The following NLRC5 variants were observed in gnomAD, a reference collection of about 807,000 sequenced individuals.
NLRC5 encodes the protein protein NLRC5.
Under a neutral mutation model 206.9 loss-of-function variants are expected in NLRC5, and 114 were observed. That is an observed-to-expected ratio of 0.55 (90% CI 0.47 to 0.64). The LOEUF is 0.64. Among genes scored for constraint, NLRC5 ranks in the 30% least tolerant of loss-of-function variants. The pLI, the probability that NLRC5 is intolerant of heterozygous loss-of-function variation, is 0.00. For missense variants in NLRC5, 2,008 were observed against 2,305.5 expected (o/e 0.87, Z 2.64); for synonymous variants, 952 against 962.8 (o/e 0.99, Z 0.21).
rs573339264 is a variant in NLRC5, at chr16:57,043,033, G to A, written c.3114-482G>A. Among the ~76,000 whole-genome samples the A allele has an allele frequency of 7.9e-5, 12 of 152,246 alleles. No homozygotes were observed. The East Asian group carries it at 9.7e-4, about 12-fold the overall frequency. On this transcript the variant is annotated intron_variant, in intron 19 of 48. Transcript: ENST00000688547. ...CCTGGTGCTGTGAGGGTCCACACTCGCCCTACCAGTGTCCCCGTGGGAGGG... is the reference window on the plus strand; with the variant it reads ...CCTGGTGCTGTGAGGGTCCACACTCACCCTACCAGTGTCCCCGTGGGAGGG...
intron 1 of NLRC5, among the ~76,000 whole-genome samples, chr16:56,996,859 G>T (rs2057676845): frequency 6.6e-6 from 1 of 152,122 alleles, no homozygotes; most frequent in African/African-American, 2.4e-5. Flanking sequence ...AATCAGCATA[G>T]ATTTTATTGT....
In NLRC5 at chr16:57,065,262, T is replaced by C; in HGVS notation, c.4205T>C (p.Val1402Ala). The C allele has an allele frequency of 6.3e-7, 1 of 1,584,358 alleles. No homozygotes were observed. The highest frequency in any genetic ancestry group is 8.6e-7 in the Non-Finnish European group (1 of 1,162,948). Residue 1402 changes from valine (V) to alanine (A), a missense_variant, in exon 33 of 49, where the codon GTC becomes GCC. By Grantham distance (64) the Val-to-Ala change is moderately conservative (BLOSUM62 0). Coordinates refer to ENST00000688547, the MANE Select transcript of NLRC5 (RefSeq NM_001384950.1). ...GCCAGGGTTCTCTCCCTGTTAGAAGTCTGCGCCCAGGCCTCAGGCAGTGTC... is the reference window on the plus strand; with the variant it reads ...GCCAGGGTTCTCTCCCTGTTAGAAGCCTGCGCCCAGGCCTCAGGCAGTGTC... ...DRARVLSLLE[V>A]CAQASGSVTE...
intron 1 of NLRC5, among the ~76,000 whole-genome samples, chr16:56,993,134 C>CACGTATATATGTGTCTATATATAA (rs1445203454): frequency 1.2e-5 from 1 of 81,804 alleles, no homozygotes. Flanking sequence ...TATATATATA[C>CACGTATATATGTGTCTATATATAA]ACACACACAC....
chr16:57,042,861 T>C (rs1006943485), intron 19 of NLRC5, among the ~76,000 whole-genome samples: 2 of 152,158 alleles, frequency 1.3e-5, no homozygotes, highest in Non-Finnish European at 2.9e-5. Context: ...TTTTGTGCAA[T>C]GCTGGGAAGG....
intron 32 of NLRC5, among the ~76,000 whole-genome samples, chr16:57,063,959 C>T (rs991450918): frequency 1.3e-5 from 2 of 149,474 alleles, no homozygotes; most frequent in African/African-American, 4.9e-5. Flanking sequence ...AGGATGGTCT[C>T]GATCTCCTGA....
At chr16:57,066,193 T>C (rs1000572629) in intron 33 of NLRC5, among the ~76,000 whole-genome samples, 20 of 151,838 alleles carry the variant, frequency 1.3e-4, no homozygotes, top group African/African-American at 4.8e-4. Context: ...CCCCAGCACT[T>C]TGGGAGGCCG....
At chr16:57,015,095 A>C (rs149382624) in intron 1 of NLRC5, among the ~76,000 whole-genome samples, 1 of 151,932 alleles carries the variant, frequency 6.6e-6, no homozygotes, top group Non-Finnish European at 1.5e-5. Context: ...TGCCTGACTA[A>C]TTTTTATGTT....
At chr16:57,021,719 T>G (rs181781161) in intron 3 of NLRC5, among the ~76,000 whole-genome samples, 4 of 152,286 alleles carry the variant, frequency 2.6e-5, no homozygotes, top group African/African-American at 7.2e-5. Flanking sequence ...TCAGAAACAG[T>G]GACGGGGAGC....
chr16:57,005,113 A>G (rs145804126), intron 1 of NLRC5, among the ~76,000 whole-genome samples: 1 of 152,316 alleles, frequency 6.6e-6, no homozygotes, highest in African/African-American at 2.4e-5. Flanking sequence ...ACGGAAAGCC[A>G]GAGGTCCTGG....
intron 13 of NLRC5, 22 bp from the exon 14 acceptor site, chr16:57,036,078 T>C: frequency 6.4e-7 from 1 of 1,570,458 alleles, no homozygotes; most frequent in South Asian, 1.1e-5. Context: ...CACAATACAG[T>C]GCATTGGGCC....
At chr16:56,991,660 G>A (rs2056878736) in intron 1 of NLRC5, among the ~76,000 whole-genome samples, 2 of 146,538 alleles carry the variant, frequency 1.4e-5, no homozygotes, top group South Asian at 4.3e-4. Flanking sequence ...ATAGGCGTGA[G>A]CCATCTTGCC....
chr16:57,008,316 C>T (rs1283859787), intron 1 of NLRC5, among the ~76,000 whole-genome samples: 1 of 152,126 alleles, frequency 6.6e-6, no homozygotes, highest in Admixed American at 6.5e-5. Context: ...AAACATAACA[C>T]ATAGAAAAAT....
chr16:57,050,609 G>T lies in NLRC5; in HGVS notation c.3423-929G>T, dbSNP rs114635288. 5.3e-3 allele frequency among the ~76,000 whole-genome samples: 801 copies of T among 152,332 alleles called. 12 individuals are homozygous for T. The highest frequency in any genetic ancestry group is 0.019 in the African/African-American group (773 of 41,570). On this transcript the variant is annotated intron_variant, in intron 23 of 48. Coordinates refer to ENST00000688547, the MANE Select transcript of NLRC5 (RefSeq NM_001384950.1). ...AGGAAGGGGCTGTAGGTAAACCCCA[G>T]GGAACTCAGTGTCTTGAGTTGTCCT...
rs1386994741 is a variant in NLRC5, at chr16:57,029,852, C to T, written c.2323C>T (p.Leu775Phe). The T allele has an allele frequency of 6.2e-7, 1 of 1,613,936 alleles. No individual in the cohort carries two copies. Among genetic ancestry groups the T allele is most frequent in the South Asian group, 1.1e-5 (1 of 91,078 alleles). ...VLPHLPRLRKLDLSSNSICVS... is the reference protein window; with the variant it reads ...VLPHLPRLRKFDLSSNSICVS... ...CCCTCACCTACCACGGCTCCGGAAG[C>T]TTGAGTAAGTGATCTTTCCACTGCC... Residue 775 changes from leucine to phenylalanine, a missense_variant, in exon 9 of 49, where the codon CTT becomes TTT. Physicochemically the swap from Leu to Phe is conservative, Grantham distance 22. Transcript: ENST00000688547.
At chr16:57,008,133 A>G (rs537245318) in intron 1 of NLRC5, among the ~76,000 whole-genome samples, 9 of 152,260 alleles carry the variant, frequency 5.9e-5, no homozygotes, top group African/African-American at 2.2e-4. Context: ...CACACCTGCA[A>G]TCCCAGAACT....
At chr16:56,989,831 A>G (rs2056583713) in intron 1 of NLRC5, among the ~76,000 whole-genome samples, 1 of 152,164 alleles carries the variant, frequency 6.6e-6, no homozygotes, top group African/African-American at 2.4e-5. Flanking sequence ...GCGCCCCGGC[A>G]GTTTGGAGGA....
Position 57,042,978 on chromosome 16 carries a change from T to A in NLRC5, c.3114-537T>A, listed in dbSNP as rs1267933605. The stretch of plus-strand genomic sequence containing the variant: ...GACTGGAGGTTTTAGTATGTCCTCA[T>A]GTGACCTTCTTATTAGTGTGGACTC... On this transcript the variant is annotated intron_variant, in intron 19 of 48. Coordinates refer to ENST00000688547, the MANE Select transcript of NLRC5 (RefSeq NM_001384950.1). Among the ~76,000 whole-genome samples, 3 of 152,162 alleles carry A rather than the reference T, an allele frequency of 2.0e-5. No individual in the cohort carries two copies. The East Asian group carries it at 5.8e-4, about 29-fold the overall frequency.
chr16:57,003,090 C>T (rs192299546), intron 1 of NLRC5, among the ~76,000 whole-genome samples: 3 of 151,128 alleles, frequency 2.0e-5, no homozygotes, highest in East Asian at 1.9e-4. Flanking sequence ...GATGAAGTCT[C>T]GCTCTGTCGC....
chr16:57,003,030 T>C (rs1222732829), intron 1 of NLRC5, among the ~76,000 whole-genome samples: 1 of 150,180 alleles, frequency 6.7e-6, no homozygotes, highest in African/African-American at 2.4e-5. Flanking sequence ...GTCTCCCTTT[T>C]CTCCACATAG....
Sources: allele counts gnomAD v4.1 joint callset (sites outside exome capture counted in the v4.1 genomes callset), GRCh38; gene constraint gnomAD v4.1.1; transcripts MANE v1.5; gene names NCBI Gene and HGNC (gene_info 2026-07-23, HGNC 2026-07-21).